Variants in MERTK observed in about 807,000 individuals in gnomAD.
MERTK encodes the protein MER proto-oncogene, tyrosine kinase.
A neutral mutation model predicts 99.3 loss-of-function variants in MERTK; 69 were observed. That is an observed-to-expected ratio of 0.70 (90% CI 0.57 to 0.85). The LOEUF is 0.85. Ranked by LOEUF, MERTK falls within the 40% of genes least tolerant of loss-of-function variation. The probability of loss-of-function intolerance (pLI) is 0.00; values close to 1 mark genes in which losing one functional copy is unlikely to be tolerated. For missense variants in MERTK, 1,125 were observed against 1,249.4 expected (o/e 0.90, Z 1.50); for synonymous variants, 426 against 467.6 (o/e 0.91, Z 1.15).
chr2:111,953,813 G>A (rs1406619994), intron 4 of MERTK, among the ~76,000 whole-genome samples: 2 of 152,202 alleles, frequency 1.3e-5, no homozygotes, highest in African/African-American at 4.8e-5. Flanking sequence ...GATCTCAGGT[G>A]ATCCACCCAC....
At chr2:111,959,191 T>G (rs1685200775) in intron 4 of MERTK, among the ~76,000 whole-genome samples, 1 of 152,150 alleles carries the variant, frequency 6.6e-6, no homozygotes, top group Non-Finnish European at 1.5e-5. Flanking sequence ...GTTAAAGGCC[T>G]CACTGTGAAA....
Position 112,028,760 on chromosome 2 carries a change from GGGGT to G in MERTK, c.2897_2900del (p.Gly966AlafsTer32), listed in dbSNP as rs1372890961. 6.2e-7 allele frequency: 1 copy of G among 1,614,128 alleles called. No homozygotes were observed. Among genetic ancestry groups the G allele is most frequent in the Non-Finnish European group, 8.5e-7 (1 of 1,180,034 alleles). On this transcript the variant is annotated frameshift_variant, in exon 19 of 19. Coordinates refer to ENST00000295408, the MANE Select transcript of MERTK (RefSeq NM_006343.3). LOFTEE classifies it low-confidence loss of function (END_TRUNC). ...ACCGGGGGAGAGACTTGTTAGGAAT[GGGGT>G]CTCCTGGTCCCATTCGAGCATGCTG...
At chr2:112,020,987 A>G (rs1311645011) in intron 16 of MERTK, among the ~76,000 whole-genome samples, 1 of 151,084 alleles carries the variant, frequency 6.6e-6, no homozygotes, top group Non-Finnish European at 1.5e-5. Context: ...TGAGATCAGG[A>G]GTCCGAGACC....
At chr2:111,906,199 T>C (rs916623816) in intron 1 of MERTK, among the ~76,000 whole-genome samples, 11 of 152,246 alleles carry the variant, frequency 7.2e-5, no homozygotes, top group African/African-American at 1.9e-4. Context: ...TTGGCACTTA[T>C]GCAAATGCTT....
chr2:111,983,254 A>T (rs1479158525), intron 8 of MERTK, among the ~76,000 whole-genome samples: 1 of 152,180 alleles, frequency 6.6e-6, no homozygotes, highest in Non-Finnish European at 1.5e-5. Flanking sequence ...TAGACATAGA[A>T]TTCATCCTCT....
intron 18 of MERTK, among the ~76,000 whole-genome samples, chr2:112,026,573 A>G (rs1677465089): frequency 6.6e-6 from 1 of 152,238 alleles, no homozygotes; most frequent in South Asian, 2.1e-4. Flanking sequence ...AAAGAAGGTA[A>G]GACAGGGAAA....
At chr2:111,916,180 C>G (rs566322383) in intron 1 of MERTK, among the ~76,000 whole-genome samples, 16 of 152,222 alleles carry the variant, frequency 1.1e-4, no homozygotes, top group African/African-American at 2.6e-4. Context: ...CAGTGGCACT[C>G]TGATGGCACC....
At chr2:111,905,598 G>A (rs919458324) in intron 1 of MERTK, among the ~76,000 whole-genome samples, 1 of 151,772 alleles carries the variant, frequency 6.6e-6, no homozygotes, top group Non-Finnish European at 1.5e-5. Flanking sequence ...CTCCCGAGTA[G>A]CTGGGATTAC....
At chr2:111,908,678 C>A (rs1322384289) in intron 1 of MERTK, among the ~76,000 whole-genome samples, 1 of 152,198 alleles carries the variant, frequency 6.6e-6, no homozygotes, top group Non-Finnish European at 1.5e-5. Context: ...TCTCATACAA[C>A]AAGCAGTCTG....
chr2:112,008,229 C>T (rs1017206374), intron 13 of MERTK, among the ~76,000 whole-genome samples, 154 bp from the exon 14 acceptor site: 6 of 152,126 alleles, frequency 3.9e-5, no homozygotes, highest in Non-Finnish European at 7.3e-5. Context: ...CTCCCCTAGC[C>T]CTACTAGCCC....
chr2:111,992,745 C>T (rs369725527), intron 8 of MERTK, among the ~76,000 whole-genome samples: 5 of 124,918 alleles, frequency 4.0e-5, no homozygotes, highest in Non-Finnish European at 6.8e-5. Context: ...AGCAAGACTC[C>T]GTCTCAAAAA....
At chr2:111,949,713 C>T (rs1168461335) in intron 4 of MERTK, among the ~76,000 whole-genome samples, 1 of 152,198 alleles carries the variant, frequency 6.6e-6, no homozygotes, top group Non-Finnish European at 1.5e-5. Context: ...ATTGCCATCA[C>T]TTCAGAAAGT....
In MERTK at chr2:111,979,890, G is replaced by GT. The variant is rs914652816; in HGVS notation, c.1145-2944dup. ...TCCTCTAAGCCCTCTGTTCTGTGTGGTTTTTTTTGGTCCCTGATATTCAGT... is the reference window on the plus strand; with the variant it reads ...TCCTCTAAGCCCTCTGTTCTGTGTGGTTTTTTTTTGGTCCCTGATATTCAGT... On this transcript the variant is annotated intron_variant, in intron 7 of 18. Coordinates refer to ENST00000295408, the MANE Select transcript of MERTK (RefSeq NM_006343.3). Among the ~76,000 whole-genome samples, 22 of 151,806 alleles carry GT rather than the reference G, an allele frequency of 1.4e-4. 1 individual carries two copies. Among genetic ancestry groups the GT allele is most frequent in the African/African-American group, 4.3e-4 (18 of 41,410 alleles).
intron 6 of MERTK, 83 bp downstream of exon 6, chr2:111,968,335 A>T (rs1685399852): frequency 2.7e-6 from 3 of 1,097,128 alleles, no homozygotes; most frequent in Admixed American, 1.8e-5. Flanking sequence ...AAGGATGGGC[A>T]TGGAGGGCAT....
intron 8 of MERTK, among the ~76,000 whole-genome samples, chr2:111,987,588 C>G (rs1194613572): frequency 1.3e-5 from 2 of 152,210 alleles, no homozygotes; most frequent in Non-Finnish European, 1.5e-5. Context: ...TGGAGAATTT[C>G]TCTCCATGAA....
chr2:111,941,190 A>G (rs946918773), intron 2 of MERTK, among the ~76,000 whole-genome samples: 8 of 152,112 alleles, frequency 5.3e-5, no homozygotes, highest in African/African-American at 1.9e-4. Context: ...GTTCGAAAGG[A>G]AAATATTTTT....
chr2:111,967,811 A>C (rs1170162647), intron 5 of MERTK, among the ~76,000 whole-genome samples: 2 of 152,190 alleles, frequency 1.3e-5, no homozygotes, highest in African/African-American at 4.8e-5. Context: ...CCAGGTGCAC[A>C]CAGTAGGGTC....
At chr2:112,016,210 C>G (rs1204654907) in intron 15 of MERTK, among the ~76,000 whole-genome samples, 1 of 152,126 alleles carries the variant, frequency 6.6e-6, no homozygotes, top group Non-Finnish European at 1.5e-5. Flanking sequence ...CTGCTGTAAT[C>G]TTATATCCTT....
Position 111,925,622 on chromosome 2 carries a change from C to G in MERTK, c.62-3498C>G, listed in dbSNP as rs192621185. ...CTGGCCCAGATATCTTTTAAACCATCTAGAGTGTTGAGTGATTTCAGGGTA... is the reference window on the plus strand; with the variant it reads ...CTGGCCCAGATATCTTTTAAACCATGTAGAGTGTTGAGTGATTTCAGGGTA... On this transcript the variant is annotated intron_variant, in intron 1 of 18. Transcript: ENST00000295408. 1.1e-4 allele frequency among the ~76,000 whole-genome samples: 17 copies of G among 151,218 alleles called. No homozygotes were observed. The East Asian group carries it at 2.6e-3, about 23-fold the overall frequency.
Sources: allele counts gnomAD v4.1 joint callset (sites outside exome capture counted in the v4.1 genomes callset), GRCh38; gene constraint gnomAD v4.1.1; transcripts MANE v1.5; gene names NCBI Gene and HGNC (gene_info 2026-07-23, HGNC 2026-07-21).